Variants in PID1 observed in about 807,000 individuals in gnomAD.
PID1 encodes the protein PTB-containing, cubilin and LRP1-interacting protein.
In PID1, 10 loss-of-function variants were observed where a neutral mutation model predicts 19.1. The ratio of observed to expected loss-of-function variants is 0.52; its 90% CI spans 0.32 to 0.89. PID1 has a LOEUF of 0.89. Ranked by LOEUF, PID1 falls within the 40% of genes least tolerant of loss-of-function variation. The pLI, the probability that PID1 is intolerant of heterozygous loss-of-function variation, is 0.03. For synonymous variants in PID1, 130 were observed against 116.0 expected, an observed-to-expected ratio of 1.12 and a Z score of -0.78; for missense variants, 248 against 285.3, an observed-to-expected ratio of 0.87 and a Z score of 0.94.
intron 2 of PID1, among the ~76,000 whole-genome samples, chr2:229,026,623 C>T (rs530913920): frequency 3.3e-5 from 5 of 152,170 alleles, no homozygotes; most frequent in East Asian, 3.8e-4. Flanking sequence ...ATGCCAAGGA[C>T]GCAAAAACTG....
chr2:229,205,683 C>T (rs1317688447), intron 1 of PID1, among the ~76,000 whole-genome samples: 2 of 152,040 alleles, frequency 1.3e-5, no homozygotes, highest in Admixed American at 6.6e-5. Flanking sequence ...AGGTCAATGC[C>T]ACCATTTCAA....
chr2:229,235,984 G>T (rs547067727), intron 1 of PID1, among the ~76,000 whole-genome samples: 1 of 152,226 alleles, frequency 6.6e-6, no homozygotes, highest in South Asian at 2.1e-4. Context: ...GTTCTTCAAT[G>T]GAGTGGAAAA....
chr2:229,170,665 T>C (rs1459151605), intron 1 of PID1, among the ~76,000 whole-genome samples: 1 of 152,234 alleles, frequency 6.6e-6, no homozygotes, highest in African/African-American at 2.4e-5. Context: ...TTTCATTTTA[T>C]GGAAAGTTTA....
chr2:229,172,582 T>C (rs1350451793), intron 1 of PID1, among the ~76,000 whole-genome samples: 3 of 152,174 alleles, frequency 2.0e-5, no homozygotes, highest in African/African-American at 4.8e-5. Flanking sequence ...AATTTCCTTT[T>C]TTCTAAGGAC....
At chr2:229,058,330 A>G (rs1018765739) in intron 2 of PID1, among the ~76,000 whole-genome samples, 1 of 152,198 alleles carries the variant, frequency 6.6e-6, no homozygotes, top group African/African-American at 2.4e-5. Context: ...CACAGCAGGA[A>G]CTTTCCAATG....
At chr2:229,188,580 A>G (rs1382734725) in intron 1 of PID1, among the ~76,000 whole-genome samples, 3 of 152,038 alleles carry the variant, frequency 2.0e-5, no homozygotes, top group African/African-American at 7.2e-5. Flanking sequence ...TCTACTAAAA[A>G]TACAAAAAAT....
chr2:229,269,888 G>A (rs1459642575), intron 1 of PID1, among the ~76,000 whole-genome samples: 1 of 152,166 alleles, frequency 6.6e-6, no homozygotes. Context: ...GGCCCAGGGA[G>A]CTTTGGAAAG....
chr2:229,126,102 G>GC (rs936446969), intron 2 of PID1, among the ~76,000 whole-genome samples: 1 of 152,114 alleles, frequency 6.6e-6, no homozygotes, highest in Non-Finnish European at 1.5e-5. Context: ...TCACGAGTTT[G>GC]CAACACTCCC....
At chr2:229,033,119 C>T (rs1693590698) in intron 2 of PID1, among the ~76,000 whole-genome samples, 1 of 152,196 alleles carries the variant, frequency 6.6e-6, no homozygotes, top group Non-Finnish European at 1.5e-5. Flanking sequence ...TGGCCGGTCG[C>T]TATTTCATTC....
At chr2:229,104,067 G>A (rs1018576678) in intron 2 of PID1, among the ~76,000 whole-genome samples, 11 of 152,068 alleles carry the variant, frequency 7.2e-5, no homozygotes, top group Non-Finnish European at 1.3e-4. Flanking sequence ...ACCTTAGCTG[G>A]TTTACTTATT....
chr2:229,130,658 C>T (rs545127305), intron 2 of PID1, among the ~76,000 whole-genome samples: 2 of 152,254 alleles, frequency 1.3e-5, no homozygotes, highest in African/African-American at 4.8e-5. Flanking sequence ...TCACCTCCCC[C>T]ACTAGACTGT....
intron 2 of PID1, among the ~76,000 whole-genome samples, chr2:229,028,004 C>A (rs1693463708): frequency 6.6e-6 from 1 of 152,016 alleles, no homozygotes; most frequent in Non-Finnish European, 1.5e-5. Context: ...GATGGGGAGG[C>A]CTGACTGATA....
intron 2 of PID1, among the ~76,000 whole-genome samples, chr2:229,139,816 G>A (rs1390674506): frequency 6.6e-6 from 1 of 152,160 alleles, no homozygotes; most frequent in African/African-American, 2.4e-5. Flanking sequence ...CTCAGCACTG[G>A]AGGATTGGCC....
chr2:229,138,980 G>GAAGAAGGAAAGAAAGA (rs1329960601), intron 2 of PID1, among the ~76,000 whole-genome samples: 1 of 67,024 alleles, frequency 1.5e-5, no homozygotes, highest in Non-Finnish European at 2.9e-5. Context: ...GAAAAAAATA[G>GAAGAAGGAAAGAAAGA]AAGAAAGAAA....
chr2:229,176,417 C>T (rs1212310064), intron 1 of PID1, among the ~76,000 whole-genome samples: 1 of 152,192 alleles, frequency 6.6e-6, no homozygotes, highest in South Asian at 2.1e-4. Context: ...CCCCATATAG[C>T]CTGTGCTGTA....
At chr2:229,092,406 T>C (rs1225499604) in intron 2 of PID1, among the ~76,000 whole-genome samples, 1 of 152,146 alleles carries the variant, frequency 6.6e-6, no homozygotes, top group African/African-American at 2.4e-5. Flanking sequence ...AATCCTTGTG[T>C]TTTCATACTG....
chr2:229,025,791 G>A lies in PID1; in HGVS notation c.495C>T (p.His165=), dbSNP rs193103818. 373 of 1,614,252 alleles carry A rather than the reference G, an allele frequency of 2.3e-4. No individual in the cohort carries two copies. The highest frequency in any genetic ancestry group is 5.5e-4 in the African/African-American group (41 of 75,072). Residue 165 remains histidine, a synonymous_variant, in exon 3 of 3, where the codon CAC becomes CAT. Coordinates refer to ENST00000392055, the MANE Select transcript of PID1 (RefSeq NM_001100818.2). ...NDDLSYQMDC[H]AVECESKLEA... ...CGAGCTTGCTCTCGCACTCCACGGCGTGGCAGTCCATCTGGTAGGACAGGT... is the reference window on the plus strand; with the variant it reads ...CGAGCTTGCTCTCGCACTCCACGGCATGGCAGTCCATCTGGTAGGACAGGT...
chr2:229,190,075 G>A (rs1691223362), intron 1 of PID1, among the ~76,000 whole-genome samples: 1 of 152,146 alleles, frequency 6.6e-6, no homozygotes, highest in Non-Finnish European at 1.5e-5. Context: ...CCCTCAGAAA[G>A]CAATAACAGC....
intron 1 of PID1, among the ~76,000 whole-genome samples, chr2:229,205,289 T>C (rs1314829834): frequency 6.6e-6 from 1 of 151,746 alleles, no homozygotes; most frequent in East Asian, 1.9e-4. Flanking sequence ...ACATACTATA[T>C]TTTTTACAGC....
Sources: allele counts gnomAD v4.1 joint callset (sites outside exome capture counted in the v4.1 genomes callset), GRCh38; gene constraint gnomAD v4.1.1; transcripts MANE v1.5; gene names NCBI Gene and HGNC (gene_info 2026-07-23, HGNC 2026-07-21).